Variants in ADGRL2 observed in about 807,000 individuals in gnomAD.
ADGRL2 encodes the protein calcium-independent alpha-latrotoxin receptor 2.
ADGRL2 carries 44 observed loss-of-function variants against 157.4 expected under a neutral mutation model. The ratio of observed to expected loss-of-function variants is 0.28; its 90% CI spans 0.22 to 0.36. The LOEUF is 0.36. Among genes scored for constraint, ADGRL2 ranks in the 10% least tolerant of loss-of-function variants. ADGRL2 has a pLI of 1.00. For missense variants in ADGRL2, 1,510 were observed against 1,768.9 expected, an observed-to-expected ratio of 0.85 and a Z score of 2.63; for synonymous variants, 585 against 624.7, an observed-to-expected ratio of 0.94 and a Z score of 0.95.
At chr1:81,479,864 T>C (rs915929535) in intron 2 of ADGRL2, among the ~76,000 whole-genome samples, 46 of 152,334 alleles carry the variant, frequency 3.0e-4, no homozygotes, top group African/African-American at 1.1e-3. Context: ...AATTTAGATG[T>C]CTTCATTTGT....
intron 2 of ADGRL2, among the ~76,000 whole-genome samples, chr1:81,552,606 A>C (rs2080175114): frequency 3.6e-5 from 1 of 27,694 alleles, no homozygotes; most frequent in Non-Finnish European, 1.0e-4. Flanking sequence ...CTTTACTTAG[A>C]AAAAAAAAAA....
At chr1:81,582,227 A>AT (rs1048331262) in intron 3 of ADGRL2, among the ~76,000 whole-genome samples, 10 of 150,516 alleles carry the variant, frequency 6.6e-5, no homozygotes, top group Middle Eastern at 3.4e-3. Context: ...CTCAAAAAAA[A>AT]TTTTTTTTTT....
intron 1 of ADGRL2, among the ~76,000 whole-genome samples, chr1:81,348,933 G>A (rs936431840): frequency 4.6e-5 from 7 of 152,166 alleles, no homozygotes; most frequent in Non-Finnish European, 7.3e-5. Context: ...TGCATTCACT[G>A]ATTTTAAGAA....
intron 3 of ADGRL2, among the ~76,000 whole-genome samples, chr1:81,918,262 G>A (rs2094904500): frequency 6.6e-6 from 1 of 152,120 alleles, no homozygotes; most frequent in Non-Finnish European, 1.5e-5. Context: ...AATGTGCAAA[G>A]CCAGATGTCA....
intron 2 of ADGRL2, among the ~76,000 whole-genome samples, chr1:81,875,478 T>A (rs2093814378): frequency 6.6e-6 from 1 of 152,194 alleles, no homozygotes; most frequent in African/African-American, 2.4e-5. Context: ...TATGTTATGT[T>A]CTATTACATT....
At chr1:81,695,270 A>T (rs1163412225), upstream of ADGRL2, among the ~76,000 whole-genome samples, 1 of 151,678 alleles carries the variant, frequency 6.6e-6, no homozygotes, top group Non-Finnish European at 1.5e-5. Flanking sequence ...CAAATATATT[A>T]AAAATTATTT....
intron 2 of ADGRL2, among the ~76,000 whole-genome samples, chr1:81,445,703 T>G (rs898924326): frequency 9.9e-5 from 15 of 152,174 alleles, no homozygotes; most frequent in Admixed American, 9.8e-4. Flanking sequence ...ATTCCACCTA[T>G]AGCAAAATGA....
chr1:81,778,168 A>G (rs11163369), intron 2 of ADGRL2, among the ~76,000 whole-genome samples: 30,612 of 151,668 alleles, frequency 0.2, 3,418 homozygotes, highest in African/African-American at 0.29. Flanking sequence ...AAAATACAAA[A>G]AAAATTAGCC....
At chr1:81,359,510 T>A (rs2075937647) in intron 1 of ADGRL2, among the ~76,000 whole-genome samples, 1 of 152,068 alleles carries the variant, frequency 6.6e-6, no homozygotes, top group Non-Finnish European at 1.5e-5. Flanking sequence ...ACTTGGTACT[T>A]ACTTGGTATT....
At chr1:81,560,681 G>T (rs978501078) in intron 2 of ADGRL2, among the ~76,000 whole-genome samples, 1 of 152,102 alleles carries the variant, frequency 6.6e-6, no homozygotes, top group Non-Finnish European at 1.5e-5. Flanking sequence ...CCTCATCAGT[G>T]AGGATGATCG....
At chr1:81,896,326 T>A (rs2094387762) in intron 2 of ADGRL2, among the ~76,000 whole-genome samples, 1 of 152,120 alleles carries the variant, frequency 6.6e-6, no homozygotes, top group Admixed American at 6.5e-5. Flanking sequence ...ATAATAATTG[T>A]AAAGAGTATT....
intron 3 of ADGRL2, among the ~76,000 whole-genome samples, chr1:81,641,169 G>A (rs1019959387): frequency 6.6e-6 from 1 of 152,018 alleles, no homozygotes; most frequent in Non-Finnish European, 1.5e-5. Flanking sequence ...ATATATATAA[G>A]GCAAATATCG....
chr1:81,669,800 A>G (rs893731432), intron 3 of ADGRL2, among the ~76,000 whole-genome samples: 12 of 152,038 alleles, frequency 7.9e-5, no homozygotes, highest in South Asian at 4.2e-4. Flanking sequence ...AAAATTAGCC[A>G]GGCATGGTGG....
chr1:81,454,937 T>C (rs1328824843), intron 2 of ADGRL2, among the ~76,000 whole-genome samples: 3 of 152,164 alleles, frequency 2.0e-5, no homozygotes, highest in Non-Finnish European at 4.4e-5. Context: ...ACATCCTGTT[T>C]GTGGAAATGA....
Position 81,909,929 on chromosome 1 carries a change from G to C in ADGRL2, c.287+2699G>C, listed in dbSNP as rs191249532. Among the ~76,000 whole-genome samples the C allele has an allele frequency of 2.6e-5, 4 of 151,972 alleles. No individual in the cohort carries two copies. The East Asian group carries it at 7.8e-4, about 30-fold the overall frequency. ...AGGTGTTAAAGATGGTTATAAATTGGTGTTTAGCCACTTTGAAAATAGTAC... is the reference window on the plus strand; with the variant it reads ...AGGTGTTAAAGATGGTTATAAATTGCTGTTTAGCCACTTTGAAAATAGTAC... On this transcript the variant is annotated intron_variant, in intron 3 of 23. Transcript: ENST00000686636.
chr1:81,571,925 A>G (rs17106710), intron 2 of ADGRL2, among the ~76,000 whole-genome samples: 2,329 of 152,308 alleles, frequency 0.015, 71 homozygotes, highest in African/African-American at 0.051. Flanking sequence ...TGTCTCATCA[A>G]CAAGCTTTTC....
At chr1:81,949,546 C>T (rs150421291) in intron 6 of ADGRL2, among the ~76,000 whole-genome samples, 2,506 of 152,286 alleles carry the variant, frequency 0.016, 45 homozygotes, top group South Asian at 0.06. Context: ...CTAGCTGCTT[C>T]TTCATACCTA....
intron 4 of ADGRL2, among the ~76,000 whole-genome samples, chr1:81,937,969 A>T (rs2095334518): frequency 1.3e-5 from 2 of 151,802 alleles, no homozygotes; most frequent in Admixed American, 6.6e-5. Flanking sequence ...TCTCTGACAC[A>T]GTTTTGACAA....
chr1:81,658,126 C>T (rs896145160), intron 3 of ADGRL2, among the ~76,000 whole-genome samples: 1 of 152,158 alleles, frequency 6.6e-6, no homozygotes, highest in Non-Finnish European at 1.5e-5. Context: ...GATGGAGTCT[C>T]ACTCTGTCGC....
Sources: gnomAD v4.1 joint callset for allele counts (sites outside exome capture counted in the v4.1 genomes callset) on GRCh38, gnomAD v4.1.1 for gene constraint, MANE v1.5 for transcripts, NCBI Gene and HGNC (gene_info 2026-07-23, HGNC 2026-07-21) for gene names.